The following CACNA1C variants were observed in gnomAD, a reference collection of about 807,000 sequenced individuals.
The protein encoded by CACNA1C is calcium voltage-gated channel subunit alpha1 C, also known as voltage-dependent L-type calcium channel subunit alpha-1C.
In CACNA1C, 30 loss-of-function variants were observed where a neutral mutation model predicts 229.0. That is an observed-to-expected ratio of 0.13 (90% confidence interval 0.10 to 0.18). The LOEUF (loss-of-function observed/expected upper bound fraction) is 0.18. Among genes scored for constraint, CACNA1C ranks in the 10% least tolerant of loss-of-function variants. CACNA1C has a pLI of 1.00. For missense variants in CACNA1C, 1,658 were observed against 2,845.0 expected (o/e 0.58, Z 9.49); for synonymous variants, 1,114 against 1,132.5 (o/e 0.98, Z 0.33).
At chr12:2,377,265 G>T (rs2238081) in intron 3 of CACNA1C, among the ~76,000 whole-genome samples, 1 of 151,968 alleles carries the variant, frequency 6.6e-6, no homozygotes, top group African/African-American at 2.4e-5. Context: ...CCCGGCCCCC[G>T]TTCTGTTTGT....
chr12:2,073,816 A>G (rs530163431), intron 1 of CACNA1C, among the ~76,000 whole-genome samples: 11 of 152,304 alleles, frequency 7.2e-5, no homozygotes, highest in African/African-American at 2.2e-4. Context: ...CCAGCCTATG[A>G]CTTCCAGTTA....
intron 3 of CACNA1C, among the ~76,000 whole-genome samples, chr12:2,203,033 A>G (rs559589623): frequency 2.0e-5 from 3 of 152,296 alleles, no homozygotes; most frequent in African/African-American, 7.2e-5. Flanking sequence ...TGGAATCCCC[A>G]TCAGGATCCT....
chr12:2,453,363 G>T (rs2099396024), intron 4 of CACNA1C, among the ~76,000 whole-genome samples: 1 of 152,134 alleles, frequency 6.6e-6, no homozygotes, highest in Non-Finnish European at 1.5e-5. Flanking sequence ...TATTGCTCCT[G>T]AATGAAAGCT....
At chr12:2,373,822 T>G (rs1002177794) in intron 3 of CACNA1C, among the ~76,000 whole-genome samples, 1 of 152,220 alleles carries the variant, frequency 6.6e-6, no homozygotes, top group Non-Finnish European at 1.5e-5. Flanking sequence ...TTGAAGGTGA[T>G]CTGCAAGTCA....
intron 1 of CACNA1C, among the ~76,000 whole-genome samples, chr12:2,096,076 A>C (rs758765180): frequency 4.6e-5 from 7 of 152,166 alleles, no homozygotes; most frequent in Admixed American, 3.3e-4. Flanking sequence ...ACAGGTGCCC[A>C]GAGTGGAGCT....
chr12:2,388,632 C>G (rs1594938340), intron 3 of CACNA1C, among the ~76,000 whole-genome samples: 1 of 152,122 alleles, frequency 6.6e-6, no homozygotes, highest in East Asian at 1.9e-4. Flanking sequence ...TTGATCAGTT[C>G]ATGGTCCATG....
intron 11 of CACNA1C, among the ~76,000 whole-genome samples, chr12:2,565,193 G>A (rs1041657837): frequency 3.9e-5 from 6 of 151,906 alleles, no homozygotes; most frequent in African/African-American, 9.7e-5. Flanking sequence ...CCCCGGCCGG[G>A]CGCGGTGGCT....
At chr12:2,624,996 A>T (rs185182574) in intron 29 of CACNA1C, among the ~76,000 whole-genome samples, 47 of 152,272 alleles carry the variant, frequency 3.1e-4, no homozygotes, top group Admixed American at 2.8e-3. Context: ...CATTCCCCTG[A>T]TTATTATTTA....
chr12:2,615,159 C>T (rs2079820151), intron 29 of CACNA1C, among the ~76,000 whole-genome samples: 1 of 152,180 alleles, frequency 6.6e-6, no homozygotes, highest in South Asian at 2.1e-4. Flanking sequence ...AGTGAGAGGC[C>T]ATGACCTGGA....
chr12:2,125,916 A>G (rs1242523068), intron 3 of CACNA1C, among the ~76,000 whole-genome samples: 2 of 152,256 alleles, frequency 1.3e-5, no homozygotes. Flanking sequence ...AGCAAAGCAC[A>G]CTCACACTGT....
intron 5 of CACNA1C, among the ~76,000 whole-genome samples, chr12:2,457,914 A>G (rs2154564973): frequency 6.6e-6 from 1 of 152,318 alleles, no homozygotes; most frequent in Admixed American, 6.5e-5. Context: ...AGCGCCTGGA[A>G]ACTCCTGGAG....
At chr12:2,636,537 C>T (rs945791889) in intron 30 of CACNA1C, among the ~76,000 whole-genome samples, 2 of 152,150 alleles carry the variant, frequency 1.3e-5, no homozygotes, top group Admixed American at 1.3e-4. Context: ...CTCTAAACTA[C>T]CCTTTAAATT....
intron 3 of CACNA1C, among the ~76,000 whole-genome samples, chr12:2,146,748 A>G (rs149357304): frequency 2.0e-5 from 3 of 151,362 alleles, no homozygotes; most frequent in African/African-American, 7.2e-5. Flanking sequence ...TCACACAACC[A>G]AACTCGCGTA....
chr12:2,368,707 T>C (rs930986581), intron 3 of CACNA1C, among the ~76,000 whole-genome samples: 1 of 152,152 alleles, frequency 6.6e-6, no homozygotes, highest in Non-Finnish European at 1.5e-5. Flanking sequence ...AATTCATGAG[T>C]TTAAGAAGAA....
rs1450889256 is a variant in CACNA1C at position 2,639,650 on chromosome 12, T to C, written c.3912+5270T>C. 6.6e-6 allele frequency among the ~76,000 whole-genome samples: 1 copy of C among 152,198 alleles called. No homozygotes were observed. Among genetic ancestry groups the C allele is most frequent in the Non-Finnish European group, 1.5e-5 (1 of 68,028 alleles). ...AACTCTAGCCTGCAGTGATTCTGACTTGGGCATTTTCTGACAGCTGGAGGT... is the reference window on the plus strand; with the variant it reads ...AACTCTAGCCTGCAGTGATTCTGACCTGGGCATTTTCTGACAGCTGGAGGT... On this transcript the variant is annotated intron_variant, in intron 30 of 46. Coordinates refer to ENST00000399655, the MANE Select transcript of CACNA1C (RefSeq NM_000719.7). This position sits in a 1 kb window ranked among gnomAD's most constrained non-coding sequence, Gnocchi z 4.2.
chr12:2,593,429 G>A, intron 19 of CACNA1C, 84 bp downstream of exon 19: 1 of 1,425,390 alleles, frequency 7.0e-7, no homozygotes, highest in Non-Finnish European at 9.7e-7. Flanking sequence ...TGAACCTCTG[G>A]ATGGAGACTG....
At chr12:2,388,333 A>G (rs191028983) in intron 3 of CACNA1C, among the ~76,000 whole-genome samples, 1 of 152,368 alleles carries the variant, frequency 6.6e-6, no homozygotes, top group East Asian at 1.9e-4. Flanking sequence ...ATGTAAGACT[A>G]TGGTGACTAT....
At chr12:2,174,308 G>C (rs541575041) in intron 3 of CACNA1C, among the ~76,000 whole-genome samples, 3 of 152,170 alleles carry the variant, frequency 2.0e-5, no homozygotes, top group Non-Finnish European at 4.4e-5. Flanking sequence ...AAAATGAGCA[G>C]CTCTTCAGCT....
At chr12:2,206,485 C>G (rs1160506471) in intron 3 of CACNA1C, among the ~76,000 whole-genome samples, 1 of 152,166 alleles carries the variant, frequency 6.6e-6, no homozygotes, top group African/African-American at 2.4e-5. Context: ...TTGGCCAAGT[C>G]ACTTATCCAG....
Sources: gnomAD v4.1 joint callset for allele counts (sites outside exome capture counted in the v4.1 genomes callset) on GRCh38, gnomAD v4.1.1 for gene constraint, Gnocchi (gnomAD v3.1) non-coding constraint, MANE v1.5 for transcripts, NCBI Gene and HGNC (gene_info 2026-07-23, HGNC 2026-07-21) for gene names.